Variants in CCDC93 observed in about 807,000 individuals in gnomAD.
CCDC93 encodes the protein coiled-coil domain-containing protein 93.
In CCDC93, 61 loss-of-function variants were observed where a neutral mutation model predicts 108.2. That is an observed-to-expected ratio of 0.56 (90% CI 0.46 to 0.70). The LOEUF (loss-of-function observed/expected upper bound fraction) is 0.70. CCDC93 is among the 30% of genes least tolerant of loss of function. The pLI, the probability that CCDC93 is intolerant of heterozygous loss-of-function variation, is 0.00. For synonymous variants in CCDC93, 276 were observed against 260.4 expected (o/e 1.06, Z -0.58); for missense variants, 685 against 764.2 (o/e 0.90, Z 1.22).
intron 11 of CCDC93, among the ~76,000 whole-genome samples, chr2:117,973,322 A>G (rs1161703125): frequency 6.6e-6 from 1 of 151,896 alleles, no homozygotes; most frequent in Non-Finnish European, 1.5e-5. Flanking sequence ...TACTGATACC[A>G]CATCTCAGCC....
chr2:117,960,199 T>A (rs894687328), intron 11 of CCDC93, among the ~76,000 whole-genome samples: 2 of 152,238 alleles, frequency 1.3e-5, no homozygotes, highest in Non-Finnish European at 2.9e-5. Flanking sequence ...CTAGCCGAAT[T>A]ACATAAGCCT....
intron 22 of CCDC93, among the ~76,000 whole-genome samples, chr2:117,932,224 A>C (rs1678362225): frequency 6.6e-6 from 1 of 152,190 alleles, no homozygotes; most frequent in African/African-American, 2.4e-5. Flanking sequence ...CGGGTGCCTG[A>C]CTCATGGCCG....
At chr2:117,950,951 T>G (rs952669967) in intron 13 of CCDC93, 2 of 985,320 alleles carry the variant, frequency 2.0e-6, no homozygotes, top group Non-Finnish European at 1.2e-6. Context: ...CAGAGCAATG[T>G]TGGCTGCTGT....
At chr2:118,004,356 A>G (rs186446946) in intron 3 of CCDC93, among the ~76,000 whole-genome samples, 1 of 152,332 alleles carries the variant, frequency 6.6e-6, no homozygotes, top group Admixed American at 6.5e-5. Context: ...TCAGAAGAAG[A>G]TAGAAGTAGA....
chr2:118,001,909 G>GA (rs1676707904), intron 3 of CCDC93, among the ~76,000 whole-genome samples: 3 of 152,134 alleles, frequency 2.0e-5, no homozygotes, highest in Admixed American at 2.0e-4. Context: ...CAAGGGGAGA[G>GA]AAAAGATACT....
chr2:117,926,430 A>C (rs974236878), intron 23 of CCDC93, among the ~76,000 whole-genome samples: 1 of 152,270 alleles, frequency 6.6e-6, no homozygotes, highest in African/African-American at 2.4e-5. Context: ...AAAATAATAA[A>C]GGGGATATCA....
intron 21 of CCDC93, among the ~76,000 whole-genome samples, chr2:117,936,359 T>G (rs925684877): frequency 1.3e-5 from 2 of 152,206 alleles, no homozygotes; most frequent in African/African-American, 4.8e-5. Context: ...AAAAATTATA[T>G]AAATTCCATT....
chr2:117,944,047 G>A lies in CCDC93; in HGVS notation c.1390C>T (p.Leu464Phe), dbSNP rs766432802. 1.2e-6 allele frequency: 2 copies of A among 1,605,866 alleles called. No individual in the cohort carries two copies. Among genetic ancestry groups the A allele is most frequent in the African/African-American group, 1.3e-5 (1 of 74,724 alleles). ...DRRYNMEKEK[L>F]YKIRLLQARR... ...ACCTGTAGTAAACGTATCTTGTAAA[G>A]TTTCTCTTTCTCCATATTATACCGT... Residue 464 changes from leucine (L) to phenylalanine (F), a missense_variant, in exon 18 of 24, where the codon CTT becomes TTT. By Grantham distance (22) the Leu-to-Phe change is conservative. Coordinates refer to ENST00000376300, the MANE Select transcript of CCDC93 (RefSeq NM_019044.5).
rs1677776626 is a variant in CCDC93, at chr2:117,918,948, C to A, written c.*1395G>T. On this transcript the variant is annotated 3_prime_UTR_variant, in exon 24 of 24. Coordinates refer to ENST00000376300, the MANE Select transcript of CCDC93 (RefSeq NM_019044.5). ...CCTGCTTAATCACATCCATTAGGGA[C>A]TAAAAATGAACACATTTCTGTGGCT... is the stretch of plus-strand genomic sequence containing the variant. The A allele has an allele frequency of 1.3e-5, 2 of 152,254 alleles. No homozygotes were observed. The highest frequency in any genetic ancestry group is 6.5e-5 in the Admixed American group (1 of 15,282). The allele number at this position is 152,254 out of a possible 1,614,324, so 9.4% of individuals were successfully genotyped here.
chr2:117,982,614 C>T (rs984012762), intron 7 of CCDC93, among the ~76,000 whole-genome samples: 1 of 152,124 alleles, frequency 6.6e-6, no homozygotes, highest in Non-Finnish European at 1.5e-5. Flanking sequence ...GACCTTCAAC[C>T]CCAAGGAAGA....
At chr2:117,963,447 C>T (rs1679457724) in intron 11 of CCDC93, among the ~76,000 whole-genome samples, 1 of 152,196 alleles carries the variant, frequency 6.6e-6, no homozygotes, top group Admixed American at 6.5e-5. Flanking sequence ...TAAAGCACTC[C>T]TGATGATGTG....
Position 117,922,538 on chromosome 2 carries a change from C to T in CCDC93, c.1843-2142G>A, listed in dbSNP as rs577514127. Among the ~76,000 whole-genome samples the T allele has an allele frequency of 4.9e-4, 75 of 152,264 alleles. 1 individual carries two copies. In the South Asian group the frequency reaches 0.015, roughly 31 times the overall value. Reference sequence around the variant, plus strand: ...AAATCTTAGTATCATGACCTGATGGCGCCCACGGTGCATAACTGTTGCCCA... The same window carrying T: ...AAATCTTAGTATCATGACCTGATGGTGCCCACGGTGCATAACTGTTGCCCA... On this transcript the variant is annotated intron_variant, in intron 23 of 23. Transcript: ENST00000376300.
intron 6 of CCDC93, among the ~76,000 whole-genome samples, chr2:117,991,085 A>G (rs1307104354): frequency 6.6e-6 from 1 of 152,238 alleles, no homozygotes; most frequent in East Asian, 1.9e-4. Flanking sequence ...TCTTCTAAGG[A>G]TGGCTAAAGA....
At chr2:117,923,154 T>C (rs886963918) in intron 23 of CCDC93, among the ~76,000 whole-genome samples, 1 of 152,128 alleles carries the variant, frequency 6.6e-6, no homozygotes, top group Non-Finnish European at 1.5e-5. Flanking sequence ...GATGGCCGAA[T>C]AGGAACAGCT....
At chr2:117,946,786 T>C in intron 16 of CCDC93, 25 bp downstream of exon 16, 1 of 1,561,508 alleles carries the variant, frequency 6.4e-7, no homozygotes, top group East Asian at 2.2e-5. Context: ...CCTGAGAGTC[T>C]CAAGGACTAA....
chr2:117,990,786 G>A (rs1202357578), intron 6 of CCDC93, among the ~76,000 whole-genome samples: 1 of 151,946 alleles, frequency 6.6e-6, no homozygotes, highest in Non-Finnish European at 1.5e-5. Flanking sequence ...CAACAAATGA[G>A]CAAGCAACAA....
chr2:118,003,087 A>G (rs911798551), intron 3 of CCDC93, among the ~76,000 whole-genome samples: 2 of 152,200 alleles, frequency 1.3e-5, no homozygotes, highest in African/African-American at 4.8e-5. Flanking sequence ...ATTTTCATGC[A>G]GCTCTCAGCC....
At chr2:117,997,001 T>C (rs1308337235) in intron 4 of CCDC93, 1 of 152,304 alleles carries the variant, frequency 6.6e-6, no homozygotes, top group Non-Finnish European at 1.5e-5. Flanking sequence ...TGAGTTTTAC[T>C]GAACCTGAAG....
intron 10 of CCDC93, among the ~76,000 whole-genome samples, chr2:117,974,273 C>T (rs140716280): frequency 3.9e-3 from 590 of 152,184 alleles, no homozygotes; most frequent in South Asian, 8.5e-3. Flanking sequence ...ATGTACCACC[C>T]CAAGGTCTCA....
Sources: allele counts gnomAD v4.1 joint callset (sites outside exome capture counted in the v4.1 genomes callset), GRCh38; gene constraint gnomAD v4.1.1; transcripts MANE v1.5; gene names NCBI Gene and HGNC (gene_info 2026-07-23, HGNC 2026-07-21).